SBF2: variants seen among roughly 807,000 people sequenced by gnomAD.
SBF2 encodes SET binding factor 2.
In SBF2, 112 loss-of-function variants were observed where a neutral mutation model predicts 225.2. The ratio of observed to expected loss-of-function variants is 0.50; its 90% confidence interval spans 0.43 to 0.58. The LOEUF is 0.58. Ranked by LOEUF, SBF2 falls within the 20% of genes least tolerant of loss-of-function variation. SBF2 has a pLI of 0.00. For missense variants in SBF2, 1,996 were observed against 2,206.2 expected, an observed-to-expected ratio of 0.90 and a Z score of 1.91; for synonymous variants, 763 against 773.3, an observed-to-expected ratio of 0.99 and a Z score of 0.22.
chr11:10,044,575 G>T, intron 2 of SBF2: 1 of 210,074 alleles, frequency 4.8e-6, no homozygotes, highest in South Asian at 7.8e-5. Context: ...CTCCAGAGTT[G>T]GACACTGCAC....
At chr11:9,869,141 G>C (rs1262685389) in intron 17 of SBF2, among the ~76,000 whole-genome samples, 3 of 152,142 alleles carry the variant, frequency 2.0e-5, no homozygotes, top group African/African-American at 7.2e-5. Context: ...AATTTTAAAA[G>C]CAATAAGTTG....
At position 9,963,222 on chromosome 11, in the gene SBF2, T is replaced by G. The variant is rs747352415; in HGVS notation, c.1710+551A>C. ...GCTCATACATGTAATCCCAGCACTT[T>G]GGGAGGCTGAGGCGGCTGGATCACT... On this transcript the variant is annotated intron_variant, in intron 15 of 39. Transcript: ENST00000256190. 1.6e-4 allele frequency among the ~76,000 whole-genome samples: 25 copies of G among 152,360 alleles called. 1 individual carries two copies. Among genetic ancestry groups the G allele is most frequent in the South Asian group, 2.1e-4 (1 of 4,832 alleles).
chr11:9,927,467 C>G (rs1864143089), intron 16 of SBF2, among the ~76,000 whole-genome samples: 1 of 152,126 alleles, frequency 6.6e-6, no homozygotes, highest in South Asian at 2.1e-4. Context: ...GGATGCAGTA[C>G]TATGTGCCTA....
At chr11:10,100,293 C>T (rs763214718) in intron 2 of SBF2, among the ~76,000 whole-genome samples, 25 of 152,340 alleles carry the variant, frequency 1.6e-4, no homozygotes, top group East Asian at 9.7e-4. Flanking sequence ...GCCTAGGCAG[C>T]GGGCAGGGTG....
In SBF2 at chr11:9,780,492, T is replaced by C. The variant is rs755387643; in HGVS notation, c.5476A>G (p.Asn1826Asp). The C allele has an allele frequency of 1.2e-6, 2 of 1,614,176 alleles. No homozygotes were observed. Among genetic ancestry groups the C allele is most frequent in the Non-Finnish European group, 1.7e-6 (2 of 1,180,010 alleles). Residue 1826 changes from asparagine to aspartate, a missense_variant, in exon 40 of 40, where the codon AAC becomes GAC. Coordinates refer to ENST00000256190, the MANE Select transcript of SBF2 (RefSeq NM_030962.4). ...CTCTGTCCATCCTGGGCGCAGAAGT[T>C]ATACACACGTTTGCTGGTCTTGAGC... The part of the protein sequence containing the change: ...FDLKTSKRVY[N>D]FCAQDGQSAQ...
intron 22 of SBF2, among the ~76,000 whole-genome samples, chr11:9,847,417 T>G (rs1856625407): frequency 2.0e-5 from 3 of 151,932 alleles, no homozygotes; most frequent in South Asian, 4.2e-4. Flanking sequence ...GTGAAGAAAC[T>G]GTCACAGCCT....
intron 17 of SBF2, among the ~76,000 whole-genome samples, chr11:9,861,912 T>C (rs1227702053): frequency 6.6e-6 from 1 of 152,156 alleles, no homozygotes; most frequent in African/African-American, 2.4e-5. Context: ...AGTGGGACTA[T>C]ATATGTTCCA....
chr11:9,948,771 T>G (rs1314064524), intron 16 of SBF2, among the ~76,000 whole-genome samples: 1 of 152,236 alleles, frequency 6.6e-6, no homozygotes, highest in Non-Finnish European at 1.5e-5. Flanking sequence ...TATAAAAAGA[T>G]AAGCATCATT....
intron 16 of SBF2, among the ~76,000 whole-genome samples, chr11:9,942,901 G>GAGAGAAAGAAAGAA (rs1209099295): frequency 2.9e-4 from 29 of 101,380 alleles, no homozygotes; most frequent in South Asian, 2.0e-3. Context: ...AAGAGAGAGA[G>GAGAGAAAGAAAGAA]AGAAAGAAAG....
intron 17 of SBF2, among the ~76,000 whole-genome samples, chr11:9,862,786 T>C (rs1228854985): frequency 1.3e-5 from 2 of 152,158 alleles, no homozygotes; most frequent in Non-Finnish European, 2.9e-5. Context: ...ATTCTAATAA[T>C]TTCTCTGGTT....
intron 39 of SBF2, among the ~76,000 whole-genome samples, chr11:9,780,985 C>A (rs746511609): frequency 4.6e-5 from 7 of 152,198 alleles, no homozygotes; most frequent in Admixed American, 1.3e-4. Flanking sequence ...ATGGCCTGAG[C>A]AGGGCCATAG....
chr11:10,108,342 C>G (rs1952649958), intron 2 of SBF2, among the ~76,000 whole-genome samples: 1 of 151,942 alleles, frequency 6.6e-6, no homozygotes, highest in Non-Finnish European at 1.5e-5. Flanking sequence ...TACATAGACC[C>G]TAAACAAATA....
At chr11:10,197,681 T>A (rs1470094995) in intron 1 of SBF2, among the ~76,000 whole-genome samples, 1 of 152,230 alleles carries the variant, frequency 6.6e-6, no homozygotes, top group Non-Finnish European at 1.5e-5. Flanking sequence ...TGCTGTTTGA[T>A]GTTATTTTAC....
At chr11:9,963,580 G>A (rs886338232) in intron 15 of SBF2, among the ~76,000 whole-genome samples, 193 bp downstream of exon 15, 2 of 152,122 alleles carry the variant, frequency 1.3e-5, no homozygotes, top group Non-Finnish European at 2.9e-5. Flanking sequence ...TATATTTCTG[G>A]TGGTCATATA....
intron 14 of SBF2, among the ~76,000 whole-genome samples, chr11:9,967,693 A>G (rs1160507526): frequency 2.6e-5 from 4 of 152,140 alleles, no homozygotes; most frequent in Non-Finnish European, 4.4e-5. Context: ...AGGTGGGCGG[A>G]TCACCTGAGG....
intron 16 of SBF2, among the ~76,000 whole-genome samples, chr11:9,921,064 CTTTTTTTTTTTT>C (rs34959264): frequency 1.3e-4 from 11 of 85,896 alleles, no homozygotes; most frequent in Non-Finnish European, 1.7e-4. Context: ...CTGAAAACTT[CTTTTTTTTTTTT>C]TTTTTTTTTT....
At chr11:10,123,945 G>A (rs1321580303) in intron 2 of SBF2, among the ~76,000 whole-genome samples, 1 of 152,146 alleles carries the variant, frequency 6.6e-6, no homozygotes, top group Non-Finnish European at 1.5e-5. Context: ...CAATGAATAT[G>A]CTTATAACAA....
chr11:9,956,105 C>G (rs2134341274), intron 16 of SBF2, among the ~76,000 whole-genome samples: 1 of 151,940 alleles, frequency 6.6e-6, no homozygotes, highest in East Asian at 1.9e-4. Context: ...AACTGCAGTT[C>G]ATTTATTTTC....
At chr11:10,049,315 T>G (rs1451057035) in intron 2 of SBF2, among the ~76,000 whole-genome samples, 2 of 152,190 alleles carry the variant, frequency 1.3e-5, no homozygotes, top group Non-Finnish European at 2.9e-5. Context: ...AAAAATTTTA[T>G]TTTAGTTGTG....
Sources: allele counts gnomAD v4.1 joint callset (sites outside exome capture counted in the v4.1 genomes callset), GRCh38; gene constraint gnomAD v4.1.1; transcripts MANE v1.5; gene names NCBI Gene and HGNC (gene_info 2026-07-23, HGNC 2026-07-21).